Variants in RPF2 observed in about 807,000 individuals in gnomAD.
RPF2 encodes the protein ribosome production factor 2 homolog, also known as brix domain containing 1.
In RPF2, 21 loss-of-function variants were observed where a neutral mutation model predicts 38.9. That is an observed-to-expected ratio of 0.54 (90% CI 0.38 to 0.78). RPF2 has a LOEUF of 0.78. Among genes scored for constraint, RPF2 ranks in the 30% least tolerant of loss-of-function variants. The pLI is 0.00. For synonymous variants in RPF2, 121 were observed against 126.2 expected, an observed-to-expected ratio of 0.96 and a Z score of 0.28; for missense variants, 314 against 358.1, an observed-to-expected ratio of 0.88 and a Z score of 0.99.
intron 6 of RPF2, among the ~76,000 whole-genome samples, chr6:111,000,379 A>G (rs950923068): frequency 6.6e-6 from 1 of 152,180 alleles, no homozygotes; most frequent in African/African-American, 2.4e-5. Context: ...CTGTAGGTCT[A>G]TAGTTTAAAT....
intron 1 of RPF2, 159 bp downstream of exon 1, chr6:110,982,288 C>G: frequency 2.6e-6 from 2 of 775,932 alleles, no homozygotes. Context: ...GCGCGAGCTG[C>G]TTGCCAGGAG....
rs145863310 is a variant in RPF2 at position 111,015,836 on chromosome 6, G to T, written c.576G>T (p.Lys192Asn). The T allele has an allele frequency of 2.5e-4, 407 of 1,610,132 alleles. 1 individual carries two copies. The African/African-American group carries it at 4.9e-3, about 19-fold the overall frequency. Residue 192 changes from lysine to asparagine, a missense_variant, in exon 8 of 10, where the codon AAG (lysine) becomes AAT (asparagine). Coordinates refer to ENST00000441448, the MANE Select transcript of RPF2 (RefSeq NM_032194.3). ...YVLHFTALNG[K>N]IYFRSYKLLL... is the part of the protein sequence containing the mutation. ...TGCACTTCACTGCACTGAATGGGAA[G>T]ATTTACTTTCGAAGCTATAAGTAAG...
chr6:111,005,312 TAG>T (rs1243565741), intron 6 of RPF2, among the ~76,000 whole-genome samples: 1 of 152,218 alleles, frequency 6.6e-6, no homozygotes, highest in Non-Finnish European at 1.5e-5. Flanking sequence ...GGATTTTGGA[TAG>T]TTCTTGATTT....
At chr6:111,020,279 C>T (rs751049748) in intron 8 of RPF2, among the ~76,000 whole-genome samples, 1 of 151,850 alleles carries the variant, frequency 6.6e-6, no homozygotes, top group Non-Finnish European at 1.5e-5. Context: ...ACAGTGGCAT[C>T]ATCTCAGCTC....
chr6:110,997,743 A>G (rs1425059690), intron 5 of RPF2, among the ~76,000 whole-genome samples: 1 of 152,124 alleles, frequency 6.6e-6, no homozygotes, highest in African/African-American at 2.4e-5. Context: ...TAGAGCAGGA[A>G]CAAAGGAAGT....
At chr6:111,012,294 C>T (rs1477838321) in intron 7 of RPF2, among the ~76,000 whole-genome samples, 1 of 151,472 alleles carries the variant, frequency 6.6e-6, no homozygotes, top group Non-Finnish European at 1.5e-5. Context: ...CCTCATTCCC[C>T]TCAGTAGCTG....
At chr6:110,990,112 A>G (rs1282783521) in intron 3 of RPF2, among the ~76,000 whole-genome samples, 3 of 150,862 alleles carry the variant, frequency 2.0e-5, no homozygotes, top group Non-Finnish European at 4.4e-5. Context: ...CTAATTTTGT[A>G]TTTTTAGTAG....
At chr6:111,014,713 TCTCAG>T (rs1462059918) in intron 7 of RPF2, among the ~76,000 whole-genome samples, 1 of 152,244 alleles carries the variant, frequency 6.6e-6, no homozygotes, top group African/African-American at 2.4e-5. Context: ...GGTTCGATTT[TCTCAG>T]CTGTAAAATT....
At chr6:111,007,859 A>G (rs555125484) in intron 6 of RPF2, among the ~76,000 whole-genome samples, 179 bp from the exon 7 acceptor site, 1 of 152,254 alleles carries the variant, frequency 6.6e-6, no homozygotes, top group Non-Finnish European at 1.5e-5. Flanking sequence ...AGGCAGGAGA[A>G]TTGCTTGAAC....
chr6:111,002,292 TAAA>T (rs1771823109), intron 6 of RPF2, among the ~76,000 whole-genome samples: 1 of 152,012 alleles, frequency 6.6e-6, no homozygotes, highest in Admixed American at 6.6e-5. Context: ...AAAATAAAAA[TAAA>T]AAAGTAAACT....
At chr6:110,990,000 A>G (rs947096564) in intron 3 of RPF2, among the ~76,000 whole-genome samples, 3 of 149,338 alleles carry the variant, frequency 2.0e-5, no homozygotes, top group Admixed American at 1.4e-4. Context: ...GTGCAGTGGC[A>G]TGATCTAAGG....
At chr6:111,017,228 G>C (rs2114346400) in intron 8 of RPF2, among the ~76,000 whole-genome samples, 1 of 152,278 alleles carries the variant, frequency 6.6e-6, no homozygotes, top group African/African-American at 2.4e-5. Flanking sequence ...CGGCCGGGTA[G>C]AGGGGCTCCT....
At chr6:110,983,491 G>T (rs1771466906) in intron 1 of RPF2, among the ~76,000 whole-genome samples, 1 of 151,976 alleles carries the variant, frequency 6.6e-6, no homozygotes, top group East Asian at 1.9e-4. Flanking sequence ...GGGACTATAG[G>T]CGCACACCAC....
chr6:111,014,737 A>G (rs1025208670), intron 7 of RPF2, among the ~76,000 whole-genome samples: 2 of 152,180 alleles, frequency 1.3e-5, no homozygotes, highest in Non-Finnish European at 2.9e-5. Flanking sequence ...TTAAGATATC[A>G]CACTTGTTTT....
rs767884560 is a variant in RPF2 at position 110,989,147 on chromosome 6, CAA to C, written c.194+86_194+87del. 12 of 1,318,330 alleles carry C rather than the reference CAA, an allele frequency of 9.1e-6. No homozygotes were observed. The East Asian group carries it at 1.2e-4, about 14-fold the overall frequency. The allele number at this position is 1,318,330 out of a possible 1,614,324, so 81.7% of individuals were successfully genotyped here. Reference sequence around the variant, plus strand: ...ACCACTTTATGGAAGATTTGGAAAACAAAAACTTTTTAAAAAGATATTAAAAT... The same window carrying C: ...ACCACTTTATGGAAGATTTGGAAAACAAACTTTTTAAAAAGATATTAAAAT... On this transcript the variant is annotated intron_variant, in intron 3 of 9. Transcript: ENST00000441448.
chr6:110,986,097 T>A (rs1181909865), intron 2 of RPF2, among the ~76,000 whole-genome samples: 3 of 152,052 alleles, frequency 2.0e-5, no homozygotes, highest in Non-Finnish European at 4.4e-5. Context: ...AAAGGGAGTA[T>A]GAAGGAGCAT....
intron 3 of RPF2, among the ~76,000 whole-genome samples, chr6:110,991,126 C>G (rs940119912): frequency 6.6e-6 from 1 of 152,086 alleles, no homozygotes; most frequent in African/African-American, 2.4e-5. Flanking sequence ...CACACTTCCT[C>G]CTGTATCCTT....
At chr6:110,982,570 G>T in intron 1 of RPF2, 1 of 170,862 alleles carries the variant, frequency 5.9e-6, no homozygotes, top group Non-Finnish European at 1.3e-5. Context: ...ATACTTCATA[G>T]AGCTGTGAGG....
At chr6:111,008,210 T>C (rs1048208655) in intron 7 of RPF2, 73 bp downstream of exon 7, 2 of 1,464,098 alleles carry the variant, frequency 1.4e-6, no homozygotes, top group South Asian at 3.0e-5. Context: ...GGTGGCACTT[T>C]GCTACTTTAG....
Sources: gnomAD v4.1 joint callset for allele counts (sites outside exome capture counted in the v4.1 genomes callset) on GRCh38, gnomAD v4.1.1 for gene constraint, MANE v1.5 for transcripts, NCBI Gene and HGNC (gene_info 2026-07-23, HGNC 2026-07-21) for gene names.